Variants in KIR2DL1 observed in about 807,000 individuals in gnomAD.
KIR2DL1 encodes the protein killer cell immunoglobulin-like receptor 2DL1.
A neutral mutation model predicts 33.9 loss-of-function variants in KIR2DL1; 38 were observed. That is an observed-to-expected ratio of 1.12 (90% CI 0.86 to 1.47). The LOEUF (loss-of-function observed/expected upper bound fraction) is 1.47. KIR2DL1 is among the 40% of genes most tolerant of loss of function. KIR2DL1 has a pLI of 0.00. For synonymous variants in KIR2DL1, 179 were observed against 165.9 expected, an observed-to-expected ratio of 1.08 and a Z score of -0.61; for missense variants, 531 against 433.9, an observed-to-expected ratio of 1.22 and a Z score of -1.99.
chr19:54,775,514 A>T, intron 4 of KIR2DL1, 56 bp downstream of exon 4: 1 of 1,494,240 alleles, frequency 6.7e-7, no homozygotes, highest in East Asian at 2.3e-5. Flanking sequence ...TTAGCTGAGG[A>T]GCTTCCTGCT....
At chr19:54,770,201 GTC>G (rs2075510385) in intron 1 of KIR2DL1, among the ~76,000 whole-genome samples, 1 of 139,718 alleles carries the variant, frequency 7.2e-6, no homozygotes. Context: ...CTGGAGTGGA[GTC>G]ATGGGCCTGG....
chr19:54,775,040 T>C lies in KIR2DL1; in HGVS notation c.371-125T>C. The C allele has an allele frequency of 3.9e-6, 5 of 1,284,806 alleles. No individual in the cohort carries two copies. In the South Asian group the frequency reaches 4.3e-5, roughly 11 times the overall value. The allele number at this position is 1,284,806 out of a possible 1,614,324, so 79.6% of individuals were successfully genotyped here. ...GAAATAGACATGAAGAGCGATGGGGTAGAGGGTGAGAGAGAGAGAGAGAGA... is the reference window on the plus strand; with the variant it reads ...GAAATAGACATGAAGAGCGATGGGGCAGAGGGTGAGAGAGAGAGAGAGAGA... On this transcript the variant is annotated intron_variant, in intron 3 of 7. Coordinates refer to ENST00000336077, the MANE Select transcript of KIR2DL1 (RefSeq NM_014218.3).
intron 4 of KIR2DL1, 105 bp from the exon 5 acceptor site, chr19:54,778,507 A>G (rs2076604011): frequency 8.6e-7 from 1 of 1,164,350 alleles, no homozygotes; most frequent in African/African-American, 1.6e-5. Flanking sequence ...CCCAGGGCTC[A>G]ATATTAGATA....
chr19:54,774,889 A>C lies in KIR2DL1; in HGVS notation c.371-276A>C, dbSNP rs1189310386. 2.4e-4 allele frequency among the ~76,000 whole-genome samples: 35 copies of C among 148,790 alleles called. 1 individual carries two copies. The highest frequency in any genetic ancestry group is 8.6e-4 in the African/African-American group (35 of 40,872). The stretch of plus-strand genomic sequence containing the variant: ...CAAAGTGAGAAACTCAGAATTAAAA[A>C]AAGTAACATCAAGTCAACCAATCCA... On this transcript the variant is annotated intron_variant, in intron 3 of 7. Coordinates refer to ENST00000336077, the MANE Select transcript of KIR2DL1 (RefSeq NM_014218.3).
At chr19:54,770,362 G>T (rs2075541585) in intron 1 of KIR2DL1, among the ~76,000 whole-genome samples, 1 of 144,538 alleles carries the variant, frequency 6.9e-6, no homozygotes, top group African/African-American at 2.5e-5. Context: ...GGAGATATGG[G>T]CCTAGAGGTC....
chr19:54,775,638 G>A (rs765939792), intron 4 of KIR2DL1, among the ~76,000 whole-genome samples, 180 bp downstream of exon 4: 116 of 148,792 alleles, frequency 7.8e-4, no homozygotes, highest in Non-Finnish European at 1.4e-3. Context: ...TACATGGCCT[G>A]CATGGAGGCC....
chr19:54,779,175 A>T (rs1469418441), intron 5 of KIR2DL1, among the ~76,000 whole-genome samples: 1 of 148,216 alleles, frequency 6.7e-6, no homozygotes, highest in African/African-American at 2.5e-5. Context: ...CCCCATGCTC[A>T]GGCTGTGCAG....
intron 1 of KIR2DL1, among the ~76,000 whole-genome samples, chr19:54,770,238 G>C (rs1428031500): frequency 1.4e-5 from 2 of 141,174 alleles, no homozygotes; most frequent in African/African-American, 5.2e-5. Context: ...GCCTGCAGTA[G>C]AGATATGGGC....
At chr19:54,782,564 A>T (rs369642245) in intron 5 of KIR2DL1, among the ~76,000 whole-genome samples, 2,321 of 152,006 alleles carry the variant, frequency 0.015, 37 homozygotes, top group Middle Eastern at 0.027. Flanking sequence ...GGGAACTAAT[A>T]GAGGGGGAAC....
chr19:54,778,089 C>T (rs1346354687), intron 4 of KIR2DL1, among the ~76,000 whole-genome samples: 2 of 145,848 alleles, frequency 1.4e-5, no homozygotes, highest in African/African-American at 2.5e-5. Flanking sequence ...GATGAAACAT[C>T]GTCTCCACTA....
chr19:54,782,345 G>C (rs1292966621), intron 5 of KIR2DL1, among the ~76,000 whole-genome samples: 2 of 152,154 alleles, frequency 1.3e-5, no homozygotes, highest in South Asian at 4.1e-4. Flanking sequence ...CTAAAGAAAA[G>C]AGATTGGTTT....
Position 54,776,239 on chromosome 19 carries a change from A to T in KIR2DL1, c.664+781A>T, listed in dbSNP as rs541267625. Among the ~76,000 whole-genome samples the T allele has an allele frequency of 2.7e-4, 37 of 135,094 alleles. 1 individual carries two copies. The East Asian group carries it at 5.7e-3, about 21-fold the overall frequency. The allele number at this position is 135,094 out of a possible 152,430, so 88.6% of individuals were successfully genotyped here. On this transcript the variant is annotated intron_variant, in intron 4 of 7. Transcript: ENST00000336077. ...GTCTAGTGGTCATAAATACATTTTT[A>T]TATATATATATATATACATTTTTTT...
At chr19:54,778,222 G>T (rs1369380890) in intron 4 of KIR2DL1, among the ~76,000 whole-genome samples, 1 of 149,218 alleles carries the variant, frequency 6.7e-6, no homozygotes, top group African/African-American at 2.5e-5. Context: ...TTGCACCTCT[G>T]CACTCCAGCC....
At chr19:54,774,312 A>C (rs200240090) in intron 3 of KIR2DL1, among the ~76,000 whole-genome samples, 19,911 of 143,916 alleles carry the variant, frequency 0.14, 1,614 homozygotes, top group South Asian at 0.23. Flanking sequence ...GGAGATTGAG[A>C]GACTCACAGA....
chr19:54,771,835 A>G (rs200030001), intron 2 of KIR2DL1, among the ~76,000 whole-genome samples: 1 of 146,496 alleles, frequency 6.8e-6, no homozygotes, highest in Non-Finnish European at 1.5e-5. Context: ...GGGGTTCACA[A>G]CCACACTACC....
At position 54,778,983 on chromosome 19, in the gene KIR2DL1, G is replaced by A. The variant is rs971969579; in HGVS notation, c.715+321G>A. Among the ~76,000 whole-genome samples the A allele has an allele frequency of 1.5e-4, 22 of 146,888 alleles. 1 individual carries two copies. Among genetic ancestry groups the A allele is most frequent in the Non-Finnish European group, 3.2e-4 (21 of 65,938 alleles). ...AGGATAAATTCCTGGAGACTTGAGA[G>A]AGGGAAGGGAAGGGAACATCTGATG... On this transcript the variant is annotated intron_variant, in intron 5 of 7. Coordinates refer to ENST00000336077, the MANE Select transcript of KIR2DL1 (RefSeq NM_014218.3).
At chr19:54,772,306 G>A (rs975190475) in intron 2 of KIR2DL1, among the ~76,000 whole-genome samples, 6 of 147,518 alleles carry the variant, frequency 4.1e-5, no homozygotes, top group South Asian at 2.1e-4. Flanking sequence ...AAGTCCAGGA[G>A]CCATGAATGC....
In KIR2DL1 at chr19:54,771,398, G is replaced by A. The variant is rs866357750; in HGVS notation, c.70+514G>A. On this transcript the variant is annotated intron_variant, in intron 2 of 7. Coordinates refer to ENST00000336077, the MANE Select transcript of KIR2DL1 (RefSeq NM_014218.3). ...CTTACAGTATTAAAATCTAGTAGGA[G>A]TCTCTTACTCAGCACTTGCTCAAAG... Among the ~76,000 whole-genome samples the A allele has an allele frequency of 2.5e-3, 373 of 148,380 alleles. 27 individuals carry two copies. In the Middle Eastern group the frequency reaches 0.031, roughly 12 times the overall value.
intron 5 of KIR2DL1, 99 bp from the exon 6 acceptor site, chr19:54,782,823 G>T: frequency 7.6e-7 from 1 of 1,308,878 alleles, no homozygotes; most frequent in South Asian, 1.2e-5. Flanking sequence ...GTCCTAAAGA[G>T]GTGTTTTATG....
Sources: gnomAD v4.1 joint callset for allele counts (sites outside exome capture counted in the v4.1 genomes callset) on GRCh38, gnomAD v4.1.1 for gene constraint, MANE v1.5 for transcripts, NCBI Gene and HGNC (gene_info 2026-07-23, HGNC 2026-07-21) for gene names.